FMNL1: variants seen among roughly 807,000 people sequenced by gnomAD.
FMNL1 encodes the protein formin-like protein 1.
FMNL1 carries 43 observed loss-of-function variants against 121.3 expected under a neutral mutation model. The observed-to-expected ratio is 0.35, with a 90% CI of 0.28 to 0.46. The LOEUF is 0.46. FMNL1 is among the 20% of genes least tolerant of loss of function. The pLI is 1.00. For synonymous variants in FMNL1, 613 were observed against 613.5 expected (o/e 1.00, Z 0.01); for missense variants, 1,191 against 1,482.4 (o/e 0.80, Z 3.23).
Position 45,232,473 on chromosome 17 carries a change from A to T in FMNL1, c.320A>T (p.Asn107Ile). The T allele has an allele frequency of 6.2e-7, 1 of 1,613,924 alleles. No individual in the cohort carries two copies. Among genetic ancestry groups the T allele is most frequent in the Non-Finnish European group, 8.5e-7 (1 of 1,179,886 alleles). ...SRKVAADWMS[N>I]LGFKRRVQES... is the part of the protein sequence containing the mutation. ...AAGGTAGCAGCTGATTGGATGTCCA[A>T]CCTGGGGGTACATGTCTCCCCTCTT... The change falls in exon 3 of 27, where the codon AAC becomes ATC. Residue 107 changes from asparagine (N) to isoleucine (I), a missense_variant. Physicochemically the swap from Asn to Ile is moderately radical, Grantham distance 149 (BLOSUM62 -3). Coordinates refer to ENST00000331495, the MANE Select transcript of FMNL1 (RefSeq NM_005892.4).
chr17:45,243,002 G>A, intron 16 of FMNL1, 116 bp from the exon 17 acceptor site: 2 of 1,133,584 alleles, frequency 1.8e-6, no homozygotes, highest in Non-Finnish European at 2.6e-6. Flanking sequence ...CTGGGTTACT[G>A]GTTCTCTGCT....
In FMNL1 at chr17:45,241,125, A is replaced by ACAGCTGACAGAG; in HGVS notation, c.1231-2_1240dup. 1 of 1,613,942 alleles carries ACAGCTGACAGAG rather than the reference A, an allele frequency of 6.2e-7. No homozygotes were observed. The highest frequency in any genetic ancestry group is 8.5e-7 in the Non-Finnish European group (1 of 1,179,932). On this transcript the variant is annotated splice_region_variant and splice_polypyrimidine_tract_variant and intron_variant, in intron 12 of 26. Transcript: ENST00000331495. The surrounding 1 kb of genome is among the most constrained non-coding windows in gnomAD (Gnocchi z 7.0). The stretch of plus-strand genomic sequence containing the variant: ...TCGGGGCTCACCATGTGCTGGTGCT[A>ACAGCTGACAGAG]CAGCTGACAGAGCGGCTTCGGGACG...
intron 19 of FMNL1, 23 bp downstream of exon 19, chr17:45,244,267 C>T (rs1386182409): frequency 1.2e-6 from 2 of 1,600,888 alleles, no homozygotes; most frequent in South Asian, 2.2e-5. Context: ...GAGGTGGGGC[C>T]CACCCTTGCC....
At chr17:45,244,060 G>A (rs1486877445) in intron 18 of FMNL1, 35 bp downstream of exon 18, 2 of 1,599,544 alleles carry the variant, frequency 1.3e-6, no homozygotes, top group African/African-American at 1.3e-5. Context: ...TGTGACTTGG[G>A]AGGGGATGGG....
intron 11 of FMNL1, 53 bp from the exon 12 acceptor site, chr17:45,240,423 T>C: frequency 6.7e-7 from 1 of 1,500,712 alleles, no homozygotes; most frequent in South Asian, 1.3e-5. Context: ...TTGGAAAGAC[T>C]CCCCCCCACA....
rs912372592 is a variant in FMNL1, at chr17:45,231,013, C to A, written c.213+326C>A. 3.9e-5 allele frequency among the ~76,000 whole-genome samples: 6 copies of A among 152,162 alleles called. No individual in the cohort carries two copies. Among genetic ancestry groups the A allele is most frequent in the Non-Finnish European group, 8.8e-5 (6 of 68,016 alleles). On this transcript the variant is annotated intron_variant, in intron 2 of 26. Coordinates refer to ENST00000331495, the MANE Select transcript of FMNL1 (RefSeq NM_005892.4). The surrounding 1 kb of genome is among the most constrained non-coding windows in gnomAD (Gnocchi z 4.7). ...GAGCTTCCTGAGAAACCTCTCTGGACTGGGGAAGGGAGAGGGCGACCCTGG... is the reference window on the plus strand; with the variant it reads ...GAGCTTCCTGAGAAACCTCTCTGGAATGGGGAAGGGAGAGGGCGACCCTGG...
At chr17:45,243,380 C>T in intron 17 of FMNL1, 60 bp downstream of exon 17, 1 of 1,575,868 alleles carries the variant, frequency 6.3e-7, no homozygotes, top group Non-Finnish European at 8.7e-7. Flanking sequence ...CTGGGGTTGT[C>T]AGGCAGATCC....
intron 11 of FMNL1, 26 bp from the exon 12 acceptor site, chr17:45,240,450 C>T: frequency 2.3e-5 from 36 of 1,595,958 alleles, no homozygotes; most frequent in Non-Finnish European, 3.1e-5. Flanking sequence ...CCAGGCCTCA[C>T]CCCACTCCTT....
intron 6 of FMNL1, 134 bp downstream of exon 6, chr17:45,234,334 C>A: frequency 1.4e-6 from 2 of 1,465,562 alleles, no homozygotes; most frequent in Non-Finnish European, 1.9e-6. Flanking sequence ...GAGTAAGGGA[C>A]TCATACAGAG....
At chr17:45,235,931 TC>T (rs974205543) in intron 6 of FMNL1, among the ~76,000 whole-genome samples, 19 of 152,078 alleles carry the variant, frequency 1.2e-4, no homozygotes, top group Non-Finnish European at 1.2e-4. Context: ...TGCTTCTGTG[TC>T]CCCCCTCCTC....
intron 9 of FMNL1, 95 bp from the exon 10 acceptor site, chr17:45,238,469 T>G (rs1567965544): frequency 1.6e-6 from 2 of 1,288,800 alleles, no homozygotes; most frequent in South Asian, 1.3e-5. Context: ...TAGAATTAAC[T>G]GGAGAGGAGC....
chr17:45,242,542 G>A (rs2043730960), intron 16 of FMNL1, 77 bp downstream of exon 16: 2 of 1,541,232 alleles, frequency 1.3e-6, no homozygotes, highest in African/African-American at 1.4e-5. Flanking sequence ...GGGCCCTGGG[G>A]GTAGTCATTT....
At position 45,247,090 on chromosome 17, in the gene FMNL1, A is replaced by G. The variant is rs1465753768; in HGVS notation, c.*232A>G. 1.6e-6 allele frequency: 1 copy of G among 610,554 alleles called. No homozygotes were observed. Among genetic ancestry groups the G allele is most frequent in the Non-Finnish European group, 3.0e-6 (1 of 335,978 alleles). The allele number at this position is 610,554 out of a possible 1,614,324, so 37.8% of individuals were successfully genotyped here. A position where few individuals can be genotyped will look rare whatever the true frequency, so the allele number is the denominator to read the frequency against. ...CCCTCCTCCGCTGTGGCCCGCCTCA[A>G]ACGGGCTGGTGCATCCTCCTCTTGG... On this transcript the variant is annotated 3_prime_UTR_variant, in exon 27 of 27. Coordinates refer to ENST00000331495, the MANE Select transcript of FMNL1 (RefSeq NM_005892.4).
At chr17:45,242,503 A>G in intron 16 of FMNL1, 38 bp downstream of exon 16, 1 of 1,600,338 alleles carries the variant, frequency 6.2e-7, no homozygotes, top group Non-Finnish European at 8.5e-7. Flanking sequence ...TGGGCACCGG[A>G]GGAAGAGGGG....
rs751732589 is a variant in FMNL1, at chr17:45,238,657, C to A, written c.969+19C>A. The A allele has an allele frequency of 6.2e-7, 1 of 1,613,852 alleles. No homozygotes were observed. Among genetic ancestry groups the A allele is most frequent in the East Asian group, 2.2e-5 (1 of 44,888 alleles). On this transcript the variant is annotated intron_variant, in intron 10 of 26. Transcript: ENST00000331495. ...CTTCATGGTGAGCTCAGGAGCCCAG[C>A]AGCCTGAGGCCTGGGCCAGGCCCTC...
chr17:45,231,257 C>T lies in FMNL1; in HGVS notation c.213+570C>T, dbSNP rs912342185. On this transcript the variant is annotated intron_variant, in intron 2 of 26. Coordinates refer to ENST00000331495, the MANE Select transcript of FMNL1 (RefSeq NM_005892.4). The surrounding 1 kb of genome is among the most constrained non-coding windows in gnomAD (Gnocchi z 4.7). ...TCAAGGGCTGCGGTCGGCCATGGGC[C>T]GACCCTCTCCCAGCGCTGGGCTGGG... Among the ~76,000 whole-genome samples, 4 of 152,192 alleles carry T rather than the reference C, an allele frequency of 2.6e-5. No individual in the cohort carries two copies. The highest frequency in any genetic ancestry group is 1.9e-4 in the East Asian group (1 of 5,184).
At chr17:45,239,317 C>G in intron 11 of FMNL1, 1 of 487,888 alleles carries the variant, frequency 2.0e-6, no homozygotes, top group East Asian at 3.7e-5. Flanking sequence ...TACCAGGCCC[C>G]CAGTCTATGG....
intron 6 of FMNL1, chr17:45,234,921 G>T (rs1427820143): frequency 6.5e-6 from 1 of 152,986 alleles, no homozygotes. Context: ...TTAGGATGAG[G>T]TATTCAACTG....
chr17:45,239,573 T>C (rs1446931206), intron 11 of FMNL1, among the ~76,000 whole-genome samples: 2 of 152,212 alleles, frequency 1.3e-5, no homozygotes, highest in Admixed American at 6.5e-5. Flanking sequence ...GCTCCTTCTC[T>C]GCTTCCTTTG....
Sources: allele counts gnomAD v4.1 joint callset (sites outside exome capture counted in the v4.1 genomes callset), GRCh38; gene constraint gnomAD v4.1.1; non-coding constraint Gnocchi (gnomAD v3.1); transcripts MANE v1.5; gene names NCBI Gene and HGNC (gene_info 2026-07-23, HGNC 2026-07-21).